Variants in LYPLAL1 observed in about 807,000 individuals in gnomAD.
LYPLAL1 encodes the protein lysophospholipase-like protein 1.
In LYPLAL1, 23 loss-of-function variants were observed where a neutral mutation model predicts 19.7. The ratio of observed to expected loss-of-function variants is 1.17; its 90% CI spans 0.84 to 1.65. The LOEUF (loss-of-function observed/expected upper bound fraction) is 1.65, where lower values mean the gene tolerates loss of function less well. Among genes scored for constraint, LYPLAL1 ranks in the 40% most tolerant of loss-of-function variants. The pLI, the probability that LYPLAL1 is intolerant of heterozygous loss-of-function variation, is 0.00. For synonymous variants in LYPLAL1, 119 were observed against 96.3 expected (o/e 1.24, Z -1.38); for missense variants, 355 against 279.4 (o/e 1.27, Z -1.93).
At chr1:219,179,303 G>C in intron 2 of LYPLAL1, 57 bp downstream of exon 2, 1 of 1,219,830 alleles carries the variant, frequency 8.2e-7, no homozygotes, top group Non-Finnish European at 1.2e-6. Flanking sequence ...AATATATATA[G>C]AGAGATGTGC....
At chr1:219,205,464 T>G (rs942245896) in intron 3 of LYPLAL1, among the ~76,000 whole-genome samples, 1 of 152,032 alleles carries the variant, frequency 6.6e-6, no homozygotes, top group Non-Finnish European at 1.5e-5. Flanking sequence ...ACTTTCAAAT[T>G]AGTATTACAT....
the LYPLAL1 span, chr1:219,271,381 T>TG: frequency 4.3e-5 from 5 of 117,074 alleles, no homozygotes; most frequent in Non-Finnish European, 9.2e-5. Context: ...CTGGTTGAAG[T>TG]GTTTTTTTTT....
At chr1:219,204,010 G>GA (rs1259268625) in intron 3 of LYPLAL1, among the ~76,000 whole-genome samples, 5 of 151,978 alleles carry the variant, frequency 3.3e-5, no homozygotes, top group Non-Finnish European at 5.9e-5. Flanking sequence ...TTTCTTAATA[G>GA]AAAAAATAGT....
At chr1:219,249,517 C>A in the LYPLAL1 span, among the ~76,000 whole-genome samples, 1 of 151,888 alleles carries the variant, frequency 6.6e-6, no homozygotes, top group Non-Finnish European at 1.5e-5. Context: ...TATTCTTATG[C>A]ATGTCTCTTG....
the LYPLAL1 span, among the ~76,000 whole-genome samples, chr1:219,297,446 G>C: frequency 0.1 from 15,163 of 152,212 alleles, 832 homozygotes; most frequent in African/African-American, 0.11. Flanking sequence ...ACAAAGGCAG[G>C]CCATTTGGTT....
At chr1:219,406,833 T>C in the LYPLAL1 span, among the ~76,000 whole-genome samples, 2 of 152,316 alleles carry the variant, frequency 1.3e-5, no homozygotes, top group South Asian at 4.1e-4. Flanking sequence ...GACTTATGTG[T>C]TCTTCCTTTA....
At chr1:219,257,540 G>T in the LYPLAL1 span, among the ~76,000 whole-genome samples, 1 of 151,930 alleles carries the variant, frequency 6.6e-6, no homozygotes, top group Non-Finnish European at 1.5e-5. Context: ...CGGTAGGTCT[G>T]TGATGCCCAC....
At chr1:219,228,309 G>C in the LYPLAL1 span, among the ~76,000 whole-genome samples, 5 of 152,094 alleles carry the variant, frequency 3.3e-5, no homozygotes, top group African/African-American at 7.2e-5. Flanking sequence ...ATTGGGGATA[G>C]AATCACCTTT....
At chr1:219,265,095 G>C in the LYPLAL1 span, among the ~76,000 whole-genome samples, 1 of 152,094 alleles carries the variant, frequency 6.6e-6, no homozygotes, top group East Asian at 1.9e-4. Context: ...TTTAAATGAG[G>C]AGCATTAATG....
chr1:219,419,586 C>CAT, the LYPLAL1 span, among the ~76,000 whole-genome samples: 1 of 120,472 alleles, frequency 8.3e-6, no homozygotes, highest in Non-Finnish European at 1.7e-5. Flanking sequence ...CACACACACA[C>CAT]ACACACACAG....
chr1:219,373,863 C>CAAAAAAAAAAAAA, the LYPLAL1 span, among the ~76,000 whole-genome samples: 6 of 102,206 alleles, frequency 5.9e-5, no homozygotes, highest in Non-Finnish European at 1.0e-4. Context: ...ATAAAATTGT[C>CAAAAAAAAAAAAA]AAAAAAAAAA....
the LYPLAL1 span, among the ~76,000 whole-genome samples, chr1:219,419,594 C>CAGAGAGAGAGAGAGAGAGAGAGAG: frequency 4.0e-5 from 4 of 99,596 alleles, no homozygotes; most frequent in African/African-American, 1.6e-4. Context: ...CACACACACA[C>CAGAGAGAGAGAGAGAGAGAGAGAG]AGAGAGAGAG....
At chr1:219,262,590 C>T in the LYPLAL1 span, among the ~76,000 whole-genome samples, 4 of 152,136 alleles carry the variant, frequency 2.6e-5, no homozygotes, top group Admixed American at 6.6e-5. Context: ...CAAACTGCTG[C>T]GATTATTATT....
At chr1:219,201,906 A>G (rs1658135829) in intron 3 of LYPLAL1, among the ~76,000 whole-genome samples, 1 of 152,236 alleles carries the variant, frequency 6.6e-6, no homozygotes, top group Non-Finnish European at 1.5e-5. Flanking sequence ...AGCAAATAAT[A>G]TTCAAGTCTT....
At chr1:219,237,706 G>A in the LYPLAL1 span, among the ~76,000 whole-genome samples, 2 of 152,030 alleles carry the variant, frequency 1.3e-5, no homozygotes, top group African/African-American at 4.8e-5. Context: ...CCTCCAGGAA[G>A]CTTTCTGGGA....
At chr1:219,393,055 G>A in the LYPLAL1 span, among the ~76,000 whole-genome samples, 1 of 152,124 alleles carries the variant, frequency 6.6e-6, no homozygotes, top group African/African-American at 2.4e-5. Context: ...TAAAACTGTT[G>A]CTTCTGTGAT....
At chr1:219,183,556 AC>A (rs1374904874) in intron 2 of LYPLAL1, among the ~76,000 whole-genome samples, 1 of 151,890 alleles carries the variant, frequency 6.6e-6, no homozygotes, top group Non-Finnish European at 1.5e-5. Context: ...TATTCTCATC[AC>A]CCCAGAAAGT....
the LYPLAL1 span, among the ~76,000 whole-genome samples, chr1:219,398,948 CT>C: frequency 6.6e-6 from 1 of 152,202 alleles, no homozygotes; most frequent in African/African-American, 2.4e-5. Context: ...TGCTCCCAGA[CT>C]GCTAGTCACT....
chr1:219,402,409 C>T, the LYPLAL1 span, among the ~76,000 whole-genome samples: 1 of 151,956 alleles, frequency 6.6e-6, no homozygotes, highest in African/African-American at 2.4e-5. Flanking sequence ...ATATTTGAAA[C>T]TAGAAGCAGT....
Sources: gnomAD v4.1 joint callset for allele counts (sites outside exome capture counted in the v4.1 genomes callset) on GRCh38, gnomAD v4.1.1 for gene constraint, MANE v1.5 for transcripts, NCBI Gene and HGNC (gene_info 2026-07-23, HGNC 2026-07-21) for gene names.